Variants in ZNF804B observed in about 807,000 individuals in gnomAD.
ZNF804B encodes zinc finger 804B.
ZNF804B carries 80 observed loss-of-function variants against 101.4 expected under a neutral mutation model. That is an observed-to-expected ratio of 0.79 (90% CI 0.66 to 0.95). The LOEUF is 0.95. ZNF804B is among the 40% of genes least tolerant of loss of function. The pLI is 0.00. For synonymous variants in ZNF804B, 622 were observed against 558.8 expected (o/e 1.11, Z -1.59); for missense variants, 1,673 against 1,561.9 (o/e 1.07, Z -1.20).
At chr7:89,034,747 A>G (rs538314670) in intron 1 of ZNF804B, among the ~76,000 whole-genome samples, 2 of 152,286 alleles carry the variant, frequency 1.3e-5, no homozygotes, top group African/African-American at 4.8e-5. Flanking sequence ...ATGATTTATA[A>G]TCCTTTGGGT....
At chr7:88,933,402 C>T (rs1562836093) in intron 1 of ZNF804B, among the ~76,000 whole-genome samples, 2 of 151,824 alleles carry the variant, frequency 1.3e-5, no homozygotes. Flanking sequence ...ACACTTTAAC[C>T]ACTTCTATTG....
chr7:89,121,726 G>C (rs1247807449), intron 1 of ZNF804B, among the ~76,000 whole-genome samples: 1 of 152,136 alleles, frequency 6.6e-6, no homozygotes, highest in African/African-American at 2.4e-5. Context: ...TAGAATTAAA[G>C]TAAATCAAGC....
intron 1 of ZNF804B, among the ~76,000 whole-genome samples, chr7:89,004,070 A>C (rs1788333922): frequency 6.6e-6 from 1 of 151,678 alleles, no homozygotes; most frequent in Non-Finnish European, 1.5e-5. Context: ...AAAAAAAAAA[A>C]AAAGGGAAAT....
intron 1 of ZNF804B, among the ~76,000 whole-genome samples, chr7:89,206,902 T>C (rs1488949303): frequency 3.3e-5 from 5 of 152,218 alleles, no homozygotes; most frequent in African/African-American, 9.6e-5. Flanking sequence ...CAAATCCCTA[T>C]GGCAGGAGCA....
At position 88,830,444 on chromosome 7, in the gene ZNF804B, C is replaced by T. The variant is rs551380409; in HGVS notation, c.108+70360C>T. ...TTTTTCATTCTATTTCTTTTGAAACCCGTGTTTTTCAACATATTGGGCTCC... is the reference window on the plus strand; with the variant it reads ...TTTTTCATTCTATTTCTTTTGAAACTCGTGTTTTTCAACATATTGGGCTCC... On this transcript the variant is annotated intron_variant, in intron 1 of 3. Transcript: ENST00000333190. Among the ~76,000 whole-genome samples, 186 of 151,974 alleles carry T rather than the reference C, an allele frequency of 1.2e-3. 2 individuals carry two copies. Among genetic ancestry groups the T allele is most frequent in the Non-Finnish European group, 2.2e-3 (152 of 67,912 alleles).
chr7:89,046,006 G>C (rs754525261), intron 1 of ZNF804B, among the ~76,000 whole-genome samples: 1 of 152,002 alleles, frequency 6.6e-6, no homozygotes, highest in Non-Finnish European at 1.5e-5. Context: ...TAATCCCCAG[G>C]TTTCATGGGA....
At chr7:88,782,752 T>C (rs1790248987) in intron 1 of ZNF804B, among the ~76,000 whole-genome samples, 1 of 152,178 alleles carries the variant, frequency 6.6e-6, no homozygotes, top group Non-Finnish European at 1.5e-5. Flanking sequence ...ATGGTGCTTC[T>C]GTGAGTAGAA....
At chr7:89,000,878 A>G (rs552617746) in intron 1 of ZNF804B, among the ~76,000 whole-genome samples, 2 of 149,010 alleles carry the variant, frequency 1.3e-5, no homozygotes, top group East Asian at 3.9e-4. Flanking sequence ...TATGATATAT[A>G]TTATATGCCA....
intron 1 of ZNF804B, among the ~76,000 whole-genome samples, chr7:88,800,028 T>A (rs1790554061): frequency 6.6e-6 from 1 of 152,054 alleles, no homozygotes; most frequent in Admixed American, 6.6e-5. Context: ...CTCTCACCTG[T>A]GCTCAGGTCC....
chr7:88,954,705 T>C (rs1793277457), intron 1 of ZNF804B, among the ~76,000 whole-genome samples: 1 of 151,724 alleles, frequency 6.6e-6, no homozygotes, highest in African/African-American at 2.4e-5. Flanking sequence ...TAAGGTATCT[T>C]TAGTTTCCTT....
intron 1 of ZNF804B, among the ~76,000 whole-genome samples, chr7:88,924,198 T>C (rs1183728385): frequency 6.6e-6 from 1 of 152,174 alleles, no homozygotes; most frequent in Non-Finnish European, 1.5e-5. Context: ...AATTTATGTA[T>C]GTTCTTGCCA....
Position 89,057,642 on chromosome 7 carries a change from G to A in ZNF804B, c.109-160513G>A, listed in dbSNP as rs957827569. Among the ~76,000 whole-genome samples, 3 of 152,120 alleles carry A rather than the reference G, an allele frequency of 2.0e-5. No homozygotes were observed. In the East Asian group the frequency reaches 5.8e-4, roughly 29 times the overall value. On this transcript the variant is annotated intron_variant, in intron 1 of 3. Coordinates refer to ENST00000333190, the MANE Select transcript of ZNF804B (RefSeq NM_181646.5). ...TGTAATAAAGGCATTCAGTGGGGGT[G>A]TGAGGGATGAAGAGAGGTGAGGCTG...
intron 1 of ZNF804B, among the ~76,000 whole-genome samples, chr7:88,971,273 G>A (rs1344345445): frequency 1.3e-5 from 2 of 151,576 alleles, no homozygotes; most frequent in African/African-American, 2.4e-5. Flanking sequence ...GGTCATTGCT[G>A]CATACTATAT....
At chr7:89,169,522 GCTTAGGAATT>G (rs1791193819) in intron 1 of ZNF804B, among the ~76,000 whole-genome samples, 1 of 152,096 alleles carries the variant, frequency 6.6e-6, no homozygotes, top group African/African-American at 2.4e-5. Flanking sequence ...CCCCAGCTAG[GCTTAGGAATT>G]CTTAGTCGGC....
At chr7:88,782,668 T>C (rs777067103) in intron 1 of ZNF804B, among the ~76,000 whole-genome samples, 1 of 152,160 alleles carries the variant, frequency 6.6e-6, no homozygotes, top group Non-Finnish European at 1.5e-5. Context: ...ATTTATAAAG[T>C]AATTACTTAT....
intron 1 of ZNF804B, among the ~76,000 whole-genome samples, chr7:89,194,057 T>C (rs1788504668): frequency 6.6e-6 from 1 of 152,210 alleles, no homozygotes; most frequent in Non-Finnish European, 1.5e-5. Flanking sequence ...ATTTCTCTGA[T>C]GGCCAGTGAT....
intron 1 of ZNF804B, among the ~76,000 whole-genome samples, chr7:89,062,348 C>T (rs1433692548): frequency 6.6e-6 from 1 of 152,016 alleles, no homozygotes; most frequent in East Asian, 1.9e-4. Flanking sequence ...TGTTAACTCC[C>T]TTCACACCCC....
At chr7:89,263,674 C>G (rs1409747526) in intron 2 of ZNF804B, among the ~76,000 whole-genome samples, 2 of 150,844 alleles carry the variant, frequency 1.3e-5, no homozygotes, top group Admixed American at 1.3e-4. Context: ...CTGGGTGGAC[C>G]CTAAAGTTAG....
intron 1 of ZNF804B, among the ~76,000 whole-genome samples, chr7:89,006,171 G>A (rs912994403): frequency 2.6e-5 from 4 of 151,672 alleles, no homozygotes; most frequent in Non-Finnish European, 5.9e-5. Context: ...TTTTTTCTAG[G>A]TAAAATAATG....
Sources: gnomAD v4.1 joint callset for allele counts (sites outside exome capture counted in the v4.1 genomes callset) on GRCh38, gnomAD v4.1.1 for gene constraint, MANE v1.5 for transcripts, NCBI Gene and HGNC (gene_info 2026-07-23, HGNC 2026-07-21) for gene names.